NRXN3: variants seen among roughly 807,000 people sequenced by gnomAD.
NRXN3 encodes neurexin III.
In NRXN3, 32 loss-of-function variants were observed where a neutral mutation model predicts 137.6. That is an observed-to-expected ratio of 0.23 (90% confidence interval 0.18 to 0.31). The LOEUF (loss-of-function observed/expected upper bound fraction) is 0.31. Ranked by LOEUF, NRXN3 falls within the 10% of genes least tolerant of loss-of-function variation. The pLI, the probability that NRXN3 is intolerant of heterozygous loss-of-function variation, is 1.00. For synonymous variants in NRXN3, 798 were observed against 784.5 expected, an observed-to-expected ratio of 1.02 and a Z score of -0.29; for missense variants, 1,574 against 2,062.5, an observed-to-expected ratio of 0.76 and a Z score of 4.59.
intron 19 of NRXN3, among the ~76,000 whole-genome samples, chr14:79,721,590 A>G (rs2098844866): frequency 6.6e-6 from 1 of 152,150 alleles, no homozygotes; most frequent in African/African-American, 2.4e-5. Context: ...GACTTCGGAA[A>G]AAAGATTAAA....
At chr14:78,714,603 T>C (rs1001532125) in intron 7 of NRXN3, among the ~76,000 whole-genome samples, 153 bp from the exon 8 acceptor site, 4 of 152,100 alleles carry the variant, frequency 2.6e-5, no homozygotes, top group African/African-American at 9.7e-5. Flanking sequence ...ACGGCCTACA[T>C]TGTCTTTTCC....
Position 79,526,979 on chromosome 14 carries a change from A to G in NRXN3, c.3444+59577A>G, listed in dbSNP as rs571306627. Among the ~76,000 whole-genome samples, 10 of 152,314 alleles carry G rather than the reference A, an allele frequency of 6.6e-5. No individual in the cohort carries two copies. In the South Asian group the frequency reaches 2.1e-3, roughly 32 times the overall value. On this transcript the variant is annotated intron_variant, in intron 16 of 20. Coordinates refer to ENST00000335750, the MANE Select transcript of NRXN3 (RefSeq NM_001330195.2). The stretch of plus-strand genomic sequence containing the variant: ...CAAGGCAATACAAAGTTAATTATCT[A>G]AGTAGTAGTAACAAGAATAACTGCT...
At chr14:79,069,230 T>G (rs1267707799) in intron 15 of NRXN3, among the ~76,000 whole-genome samples, 1 of 152,110 alleles carries the variant, frequency 6.6e-6, no homozygotes, top group Admixed American at 6.6e-5. Context: ...GACCATCTCT[T>G]TTCTATCATT....
intron 4 of NRXN3, among the ~76,000 whole-genome samples, chr14:78,502,781 G>A (rs2095904217): frequency 6.6e-6 from 1 of 152,126 alleles, no homozygotes; most frequent in Non-Finnish European, 1.5e-5. Context: ...TATGCTGTTG[G>A]AAATTTCAAA....
chr14:79,363,374 A>G (rs2093756951), intron 15 of NRXN3, among the ~76,000 whole-genome samples: 1 of 152,130 alleles, frequency 6.6e-6, no homozygotes, highest in Non-Finnish European at 1.5e-5. Flanking sequence ...GAAGCTATAT[A>G]CCAGTTCCAT....
chr14:78,736,219 C>T (rs976465865), intron 8 of NRXN3, among the ~76,000 whole-genome samples: 5 of 152,156 alleles, frequency 3.3e-5, no homozygotes, highest in Non-Finnish European at 4.4e-5. Context: ...CCCCATCATC[C>T]TGCTCCACCT....
chr14:79,630,010 CACCA>C (rs1226354784), intron 16 of NRXN3, among the ~76,000 whole-genome samples: 4 of 152,176 alleles, frequency 2.6e-5, no homozygotes, highest in Non-Finnish European at 5.9e-5. Flanking sequence ...GTTGTTAACA[CACCA>C]TGTGGTTTAC....
At chr14:79,255,449 T>C (rs970091257) in intron 15 of NRXN3, among the ~76,000 whole-genome samples, 3 of 152,216 alleles carry the variant, frequency 2.0e-5, no homozygotes, top group Admixed American at 6.5e-5. Flanking sequence ...AGATATTGGG[T>C]TCCAATCCTA....
Position 78,403,677 on chromosome 14 carries a change from C to T in NRXN3, c.757+105817C>T, listed in dbSNP as rs965727457. On this transcript the variant is annotated intron_variant, in intron 4 of 20. Transcript: ENST00000335750. ...GTTGCAAAATCACGAACACCGAGGG[C>T]GGTGTTAGGAAGGCAGCTTCCTGCA... is the stretch of plus-strand genomic sequence containing the variant. 1.1e-5 allele frequency: 11 copies of T among 979,776 alleles called. No homozygotes were observed. In the South Asian group the frequency reaches 1.4e-4, roughly 13 times the overall value. The allele number at this position is 979,776 out of a possible 1,614,324, so 60.7% of individuals were successfully genotyped here. A position where few individuals can be genotyped will look rare whatever the true frequency, so the allele number is the denominator to read the frequency against.
intron 17 of NRXN3, among the ~76,000 whole-genome samples, chr14:79,687,462 C>T (rs914793095): frequency 2.6e-5 from 4 of 152,182 alleles, no homozygotes; most frequent in Non-Finnish European, 4.4e-5. Flanking sequence ...TTGAGGGCAG[C>T]AGTACCACTA....
At chr14:78,195,646 G>A (rs2061162800) in intron 1 of NRXN3, among the ~76,000 whole-genome samples, 1 of 152,220 alleles carries the variant, frequency 6.6e-6, no homozygotes, top group Non-Finnish European at 1.5e-5. Flanking sequence ...GCTGAGGAGA[G>A]CAACTGCGGG....
intron 10 of NRXN3, among the ~76,000 whole-genome samples, chr14:78,911,281 G>A (rs1422406914): frequency 6.6e-6 from 1 of 152,178 alleles, no homozygotes; most frequent in African/African-American, 2.4e-5. Flanking sequence ...GTTGGGATTT[G>A]AACCCAGGCC....
intron 8 of NRXN3, among the ~76,000 whole-genome samples, chr14:78,724,670 A>C (rs11845601): frequency 0.15 from 23,482 of 152,238 alleles, 2,037 homozygotes; most frequent in South Asian, 0.27. Context: ...ATGATCTTCT[A>C]GGCAGTAGTC....
intron 15 of NRXN3, among the ~76,000 whole-genome samples, chr14:79,044,825 G>GTT (rs5809914): frequency 7.2e-6 from 1 of 139,618 alleles, no homozygotes; most frequent in Non-Finnish European, 1.6e-5. Flanking sequence ...AGCACCTCTA[G>GTT]TTTTTTTTTT....
chr14:79,279,500 C>T (rs1350351100), intron 15 of NRXN3: 20 of 986,224 alleles, frequency 2.0e-5, no homozygotes, highest in Non-Finnish European at 2.2e-5. Context: ...GCCCACCCAC[C>T]TCCCTCCACC....
At chr14:79,308,739 A>T (rs1057421389) in intron 15 of NRXN3, among the ~76,000 whole-genome samples, 1 of 151,934 alleles carries the variant, frequency 6.6e-6, no homozygotes, top group Non-Finnish European at 1.5e-5. Flanking sequence ...CTTGCATGAT[A>T]GAAACTAATA....
rs1040880041 is a variant in NRXN3, at chr14:78,966,086, T to G, written c.2457T>G (p.Thr819=). The part of the protein sequence containing the change: ...EFHNIETGIM[T]EKRYISVVPS... ...ACAACATTGAAACGGGAATCATGAC[T>G]GAGAAACGCTACATCTCCGTTGTCC... is the stretch of plus-strand genomic sequence containing the variant. Residue 819 remains threonine (T), a synonymous_variant, in exon 12 of 21, where the codon ACT becomes ACG. Transcript: ENST00000335750. 15 of 1,614,028 alleles carry G rather than the reference T, an allele frequency of 9.3e-6. No individual in the cohort carries two copies. Among genetic ancestry groups the G allele is most frequent in the Middle Eastern group, 1.6e-4 (1 of 6,084 alleles).
chr14:79,153,315 A>G (rs1187976641), intron 15 of NRXN3, among the ~76,000 whole-genome samples: 2 of 152,022 alleles, frequency 1.3e-5, no homozygotes, highest in East Asian at 3.9e-4. Flanking sequence ...TTATTTGAAA[A>G]GGGAATATGG....
chr14:79,653,125 T>C (rs2098485160), intron 16 of NRXN3, among the ~76,000 whole-genome samples: 2 of 152,206 alleles, frequency 1.3e-5, no homozygotes, highest in South Asian at 4.1e-4. Flanking sequence ...TTGTTTATGA[T>C]AACTAGGAAA....
Sources: gnomAD v4.1 joint callset for allele counts (sites outside exome capture counted in the v4.1 genomes callset) on GRCh38, gnomAD v4.1.1 for gene constraint, MANE v1.5 for transcripts, NCBI Gene and HGNC (gene_info 2026-07-23, HGNC 2026-07-21) for gene names.